Variants in YTHDF3 observed in about 807,000 individuals in gnomAD.
The protein encoded by YTHDF3 is YTH N6-methyladenosine RNA binding protein F3, also known as YTH domain-containing family protein 3.
A neutral mutation model predicts 52.5 loss-of-function variants in YTHDF3; 9 were observed. That is an observed-to-expected ratio of 0.17 (90% CI 0.10 to 0.30). YTHDF3 has a LOEUF of 0.30. Among genes scored for constraint, YTHDF3 ranks in the 10% least tolerant of loss-of-function variants. The pLI, the probability that YTHDF3 is intolerant of heterozygous loss-of-function variation, is 1.00. For synonymous variants in YTHDF3, 274 were observed against 243.3 expected, an observed-to-expected ratio of 1.13 and a Z score of -1.18; for missense variants, 534 against 715.0, an observed-to-expected ratio of 0.75 and a Z score of 2.89.
intron 2 of YTHDF3, among the ~76,000 whole-genome samples, chr8:63,171,898 C>T (rs1160062641): frequency 1.3e-5 from 2 of 152,116 alleles, no homozygotes; most frequent in African/African-American, 4.8e-5. Context: ...CTTTAGTTGA[C>T]AGCTTTAGCC....
At chr8:63,196,932 C>T (rs1247583846) in intron 4 of YTHDF3, among the ~76,000 whole-genome samples, 1 of 152,094 alleles carries the variant, frequency 6.6e-6, no homozygotes, top group African/African-American at 2.4e-5. Flanking sequence ...TATACTAGAA[C>T]AAATATCTCT....
At chr8:63,201,702 G>A (rs1285524600) in intron 4 of YTHDF3, among the ~76,000 whole-genome samples, 1 of 152,102 alleles carries the variant, frequency 6.6e-6, no homozygotes, top group Non-Finnish European at 1.5e-5. Flanking sequence ...ACTTTGTGCT[G>A]AATTAGAAAT....
Position 63,181,940 on chromosome 8 carries a change from T to C in YTHDF3, c.136-4207T>C, listed in dbSNP as rs187794282. Among the ~76,000 whole-genome samples, 655 of 152,332 alleles carry C rather than the reference T, an allele frequency of 4.3e-3. 1 individual carries two copies. Among genetic ancestry groups the C allele is most frequent in the Middle Eastern group, 0.01 (3 of 294 alleles). On this transcript the variant is annotated intron_variant, in intron 3 of 4. Transcript: ENST00000539294. ...ATTAGATATGCATAAATTATACTTT[T>C]AGAAAATTATAATAGGAGAAAGTAC... is the stretch of plus-strand genomic sequence containing the variant.
At chr8:63,173,679 C>G (rs758260455) in intron 2 of YTHDF3, 5 of 984,920 alleles carry the variant, frequency 5.1e-6, no homozygotes. Context: ...CAGAGGAGAA[C>G]AGGTATGTCA....
At chr8:63,189,664 TTCCAAACC>T (rs1474913334) in intron 4 of YTHDF3, among the ~76,000 whole-genome samples, 1 of 152,204 alleles carries the variant, frequency 6.6e-6, no homozygotes, top group African/African-American at 2.4e-5. Context: ...GAGCAGTAGT[TTCCAAACC>T]TTAAGTCACA....
In YTHDF3 at chr8:63,168,670, G is replaced by C. The variant is rs1807054188; in HGVS notation, c.-208G>C. ...TGTGGACCCGAGAAGCAGAGAGCGAGAGGGGGAAGAGGAGCGTGCAAGCGG... is the reference window on the plus strand; with the variant it reads ...TGTGGACCCGAGAAGCAGAGAGCGACAGGGGGAAGAGGAGCGTGCAAGCGG... On this transcript the variant is annotated 5_prime_UTR_variant, in exon 1 of 5. Coordinates refer to ENST00000539294, the MANE Select transcript of YTHDF3 (RefSeq NM_152758.6). The C allele has an allele frequency of 4.6e-6, 4 of 873,674 alleles. No individual in the cohort carries two copies. In the Admixed American group the frequency reaches 7.1e-5, roughly 16 times the overall value. The allele number at this position is 873,674 out of a possible 1,614,324, so 54.1% of individuals were successfully genotyped here.
intron 4 of YTHDF3, among the ~76,000 whole-genome samples, chr8:63,202,331 G>A (rs1809691819): frequency 6.6e-6 from 1 of 152,078 alleles, no homozygotes; most frequent in South Asian, 2.1e-4. Flanking sequence ...AATGCCAAAG[G>A]ATCCGTCCTT....
chr8:63,202,349 G>GA (rs1174639822), intron 4 of YTHDF3, among the ~76,000 whole-genome samples: 2 of 152,120 alleles, frequency 1.3e-5, no homozygotes, highest in Non-Finnish European at 2.9e-5. Flanking sequence ...CTTTTCTTGG[G>GA]ACAGTGCATG....
At chr8:63,178,551 AT>A (rs1433988158) in intron 3 of YTHDF3, among the ~76,000 whole-genome samples, 1 of 152,218 alleles carries the variant, frequency 6.6e-6, no homozygotes. Context: ...GAATCAACAT[AT>A]TTGTATCCTG....
At chr8:63,199,390 G>C (rs1283322226) in intron 4 of YTHDF3, among the ~76,000 whole-genome samples, 1 of 152,146 alleles carries the variant, frequency 6.6e-6, no homozygotes, top group Non-Finnish European at 1.5e-5. Context: ...TACATCCCTT[G>C]AATACTGCAT....
intron 3 of YTHDF3, among the ~76,000 whole-genome samples, chr8:63,178,400 T>C (rs905898835): frequency 6.6e-6 from 1 of 152,210 alleles, no homozygotes; most frequent in African/African-American, 2.4e-5. Context: ...TTTTAAAAAG[T>C]GTTTGGGAAA....
At chr8:63,200,326 C>G (rs961360585) in intron 4 of YTHDF3, among the ~76,000 whole-genome samples, 1 of 152,124 alleles carries the variant, frequency 6.6e-6, no homozygotes, top group South Asian at 2.1e-4. Flanking sequence ...GCTACCAGGA[C>G]AGAAGTCACA....
At chr8:63,184,569 A>G (rs373102466) in intron 3 of YTHDF3, among the ~76,000 whole-genome samples, 2 of 152,236 alleles carry the variant, frequency 1.3e-5, no homozygotes, top group South Asian at 2.1e-4. Flanking sequence ...TCAGTTTTCA[A>G]TGATAAGCCT....
intron 4 of YTHDF3, among the ~76,000 whole-genome samples, chr8:63,198,079 T>C (rs773074630): frequency 2.6e-5 from 4 of 152,212 alleles, no homozygotes; most frequent in South Asian, 2.1e-4. Flanking sequence ...TGGCATTACC[T>C]GTTCCTCCAG....
chr8:63,195,134 C>T (rs551388062), intron 4 of YTHDF3, among the ~76,000 whole-genome samples: 20 of 152,210 alleles, frequency 1.3e-4, no homozygotes, highest in Admixed American at 1.2e-3. Context: ...AATGTCAGGC[C>T]CTCTATTTTA....
rs192992796 is a variant in YTHDF3 at position 63,204,730 on chromosome 8, C to T, written c.1735-4953C>T. ...TTCAGATGTTCACTGCCTTCTTCGG[C>T]AGTTCTGTTTTATTGTTATTTATGT... On this transcript the variant is annotated intron_variant, in intron 4 of 4. Transcript: ENST00000539294. 3.0e-3 allele frequency among the ~76,000 whole-genome samples: 452 copies of T among 152,236 alleles called. 3 individuals carry two copies. The highest frequency in any genetic ancestry group is 0.01 in the African/African-American group (433 of 41,540).
intron 4 of YTHDF3, among the ~76,000 whole-genome samples, chr8:63,198,108 C>T (rs958782717): frequency 3.3e-5 from 5 of 152,108 alleles, no homozygotes; most frequent in African/African-American, 7.2e-5. Flanking sequence ...GGAGCCCTGC[C>T]GTTTATGCAG....
intron 4 of YTHDF3, among the ~76,000 whole-genome samples, chr8:63,202,824 C>A (rs954752140): frequency 3.9e-5 from 6 of 152,022 alleles, no homozygotes; most frequent in Admixed American, 3.3e-4. Context: ...AGATTTCATT[C>A]CTGGTAAGTC....
At chr8:63,172,421 T>G (rs1335872358) in intron 2 of YTHDF3, among the ~76,000 whole-genome samples, 2 of 152,190 alleles carry the variant, frequency 1.3e-5, no homozygotes, top group Non-Finnish European at 2.9e-5. Context: ...ATGCATTGTT[T>G]TATACAACTG....
Sources: gnomAD v4.1 joint callset for allele counts (sites outside exome capture counted in the v4.1 genomes callset) on GRCh38, gnomAD v4.1.1 for gene constraint, MANE v1.5 for transcripts, NCBI Gene and HGNC (gene_info 2026-07-23, HGNC 2026-07-21) for gene names.